The following AFG2A variants were observed in gnomAD, a reference collection of about 807,000 sequenced individuals.
AFG2A encodes ATPase family gene 2 protein homolog A.
At chr4:123,063,225 A>G in the AFG2A span, among the ~76,000 whole-genome samples, 1 of 152,224 alleles carries the variant, frequency 6.6e-6, no homozygotes, top group Admixed American at 6.5e-5. Flanking sequence ...CTACTGATAG[A>G]TATACCAGAA....
At chr4:123,034,323 G>T in the AFG2A span, among the ~76,000 whole-genome samples, 1 of 151,872 alleles carries the variant, frequency 6.6e-6, no homozygotes, top group Non-Finnish European at 1.5e-5. Flanking sequence ...TGGATAATGT[G>T]GTGATAATAG....
the AFG2A span, among the ~76,000 whole-genome samples, chr4:123,117,519 A>G: frequency 2.0e-5 from 3 of 150,698 alleles, no homozygotes; most frequent in Admixed American, 6.6e-5. Flanking sequence ...AACATATTTA[A>G]TGATACTCAT....
At chr4:123,080,288 A>G in the AFG2A span, among the ~76,000 whole-genome samples, 1 of 152,028 alleles carries the variant, frequency 6.6e-6, no homozygotes, top group Admixed American at 6.6e-5. Context: ...TTGTGCTCTC[A>G]CTCTCTCTCT....
At chr4:123,135,038 A>G in the AFG2A span, among the ~76,000 whole-genome samples, 50 of 152,336 alleles carry the variant, frequency 3.3e-4, no homozygotes, top group Middle Eastern at 3.4e-3. Context: ...AGTCAATAGT[A>G]CATTATAAGG....
the AFG2A span, among the ~76,000 whole-genome samples, chr4:123,227,104 C>T: frequency 6.6e-6 from 1 of 151,716 alleles, no homozygotes; most frequent in African/African-American, 2.4e-5. Context: ...TCTCTCTTTT[C>T]TTCTTTATTA....
the AFG2A span, among the ~76,000 whole-genome samples, chr4:123,115,351 C>T: frequency 2.0e-5 from 3 of 152,044 alleles, no homozygotes; most frequent in South Asian, 2.1e-4. Context: ...GTCGGTGGCC[C>T]GGGCTGAGCC....
At chr4:122,956,662 G>A in the AFG2A span, among the ~76,000 whole-genome samples, 2 of 152,166 alleles carry the variant, frequency 1.3e-5, no homozygotes, top group African/African-American at 4.8e-5. Context: ...ATGGAGTCTT[G>A]CTCTGTCGCC....
At chr4:123,273,721 G>A in the AFG2A span, among the ~76,000 whole-genome samples, 8 of 152,112 alleles carry the variant, frequency 5.3e-5, no homozygotes, top group South Asian at 2.1e-4. Context: ...TCATGCACAC[G>A]ATTATTTATT....
At chr4:123,073,854 C>T in the AFG2A span, among the ~76,000 whole-genome samples, 1 of 152,204 alleles carries the variant, frequency 6.6e-6, no homozygotes, top group Admixed American at 6.5e-5. Flanking sequence ...GTTTCTGTTT[C>T]TAGGATAATT....
chr4:123,016,610 C>T, the AFG2A span, among the ~76,000 whole-genome samples: 6 of 150,266 alleles, frequency 4.0e-5, no homozygotes, highest in South Asian at 4.3e-4. Context: ...GGATGGCGGC[C>T]GGGCAGAGAC....
the AFG2A span, among the ~76,000 whole-genome samples, chr4:123,204,156 A>C: frequency 6.6e-6 from 1 of 152,150 alleles, no homozygotes; most frequent in Non-Finnish European, 1.5e-5. Flanking sequence ...AACGACCTGG[A>C]TTTCATCTAC....
At chr4:122,936,249 G>C in the AFG2A span, 1 of 813,100 alleles carries the variant, frequency 1.2e-6, no homozygotes, top group East Asian at 3.0e-5. Flanking sequence ...ATAAACAGTA[G>C]TACAAAAATT....
the AFG2A span, among the ~76,000 whole-genome samples, chr4:123,148,975 G>A: frequency 1.3e-5 from 2 of 151,746 alleles, no homozygotes; most frequent in Admixed American, 1.3e-4. Flanking sequence ...CACCATGTTG[G>A]CCAGGCTGGT....
At chr4:123,193,357 A>G in the AFG2A span, among the ~76,000 whole-genome samples, 1 of 152,216 alleles carries the variant, frequency 6.6e-6, no homozygotes, top group Non-Finnish European at 1.5e-5. Context: ...CTGTTTTCTG[A>G]ACATTCCCTA....
the AFG2A span, among the ~76,000 whole-genome samples, chr4:123,165,327 T>A: frequency 6.6e-6 from 1 of 152,148 alleles, no homozygotes; most frequent in Non-Finnish European, 1.5e-5. Flanking sequence ...GTATATTTCC[T>A]AAAAATTATT....
chr4:122,940,417 G>A, the AFG2A span, among the ~76,000 whole-genome samples: 3 of 152,198 alleles, frequency 2.0e-5, no homozygotes, highest in Non-Finnish European at 2.9e-5. Flanking sequence ...TCTTTTGACT[G>A]CATAAATGTC....
chr4:122,988,141 G>A, the AFG2A span, among the ~76,000 whole-genome samples: 1 of 151,606 alleles, frequency 6.6e-6, no homozygotes, highest in Admixed American at 6.6e-5. Flanking sequence ...TGGATTGTCT[G>A]AGAAATCTGG....
At chr4:122,998,367 T>C in the AFG2A span, among the ~76,000 whole-genome samples, 1 of 152,146 alleles carries the variant, frequency 6.6e-6, no homozygotes, top group South Asian at 2.1e-4. Flanking sequence ...ATGTGCAGGT[T>C]AGTTAAATAT....
chr4:122,998,627 A>T, the AFG2A span, among the ~76,000 whole-genome samples: 4 of 152,038 alleles, frequency 2.6e-5, no homozygotes, highest in Non-Finnish European at 5.9e-5. Flanking sequence ...CATGTCCTTA[A>T]AAAGGACATG....
Sources: allele counts gnomAD v4.1 joint callset (sites outside exome capture counted in the v4.1 genomes callset), GRCh38; gene constraint gnomAD v4.1.1; transcripts MANE v1.5; gene names NCBI Gene and HGNC (gene_info 2026-07-23, HGNC 2026-07-21).